The following KIAA0586 variants were observed in gnomAD, a reference collection of about 807,000 sequenced individuals.
The protein encoded by KIAA0586 is protein TALPID3.
KIAA0586 carries 144 observed loss-of-function variants against 169.8 expected under a neutral mutation model. The observed-to-expected ratio is 0.85, with a 90% CI of 0.74 to 0.97. The LOEUF (loss-of-function observed/expected upper bound fraction) is 0.97, where lower values mean the gene tolerates loss of function less well. Among genes scored for constraint, KIAA0586 ranks in the 50% least tolerant of loss-of-function variants. KIAA0586 has a pLI of 0.00. For synonymous variants in KIAA0586, 625 were observed against 612.4 expected, an observed-to-expected ratio of 1.02 and a Z score of -0.30; for missense variants, 1,854 against 1,823.0, an observed-to-expected ratio of 1.02 and a Z score of -0.31.
In KIAA0586 at chr14:58,457,832, C is replaced by T; in HGVS notation, c.1436C>T (p.Thr479Ile). 1 of 1,608,358 alleles carries T rather than the reference C, an allele frequency of 6.2e-7. No individual in the cohort carries two copies. Among genetic ancestry groups the T allele is most frequent in the East Asian group, 2.2e-5 (1 of 44,798 alleles). Residue 479 changes from threonine (T) to isoleucine (I), a missense_variant, in exon 11 of 31, where the codon ACA becomes ATA. Transcript: ENST00000652326. ...QNSVKLQTTN[T>I]TRSVLKDAEK... is the part of the protein sequence containing the mutation. ...TCTGTTAAGCTTCAAACAACCAATA[C>T]AACAAGATCTGTATTGAAAGATGCT...
At chr14:58,509,764 A>G (rs1395676518) in intron 28 of KIAA0586, among the ~76,000 whole-genome samples, 1 of 152,216 alleles carries the variant, frequency 6.6e-6, no homozygotes, top group Non-Finnish European at 1.5e-5. Flanking sequence ...AATTTTTGTG[A>G]CCATGATTAG....
intron 29 of KIAA0586, chr14:58,521,695 G>A (rs1387965000): frequency 2.2e-6 from 2 of 898,318 alleles, no homozygotes; most frequent in Non-Finnish European, 3.7e-6. Flanking sequence ...AACAAAAAGT[G>A]GATTCTCTCT....
chr14:58,452,924 T>G (rs2039519566), intron 8 of KIAA0586, among the ~76,000 whole-genome samples: 2 of 151,974 alleles, frequency 1.3e-5, no homozygotes, highest in African/African-American at 4.8e-5. Flanking sequence ...CTATAAATTT[T>G]TTTTTTTTTT....
intron 27 of KIAA0586, among the ~76,000 whole-genome samples, chr14:58,503,046 A>T (rs2043687022): frequency 6.6e-6 from 1 of 152,160 alleles, no homozygotes; most frequent in South Asian, 2.1e-4. Flanking sequence ...TGAGTAACTG[A>T]AAGTTGCAAA....
At chr14:58,451,282 A>G (rs529304673) in intron 8 of KIAA0586, among the ~76,000 whole-genome samples, 213 of 152,096 alleles carry the variant, frequency 1.4e-3, no homozygotes, top group African/African-American at 5.0e-3. Context: ...CTGGAGTACA[A>G]TGGCGTGATC....
At chr14:58,531,083 C>T in intron 29 of KIAA0586, among the ~76,000 whole-genome samples, 1 of 151,054 alleles carries the variant, frequency 6.6e-6, no homozygotes, top group Non-Finnish European at 1.5e-5. Context: ...TTTGGGAGGC[C>T]AAGGCAGGTG....
chr14:58,455,736 G>A (rs995780039), intron 9 of KIAA0586, among the ~76,000 whole-genome samples: 4 of 152,008 alleles, frequency 2.6e-5, no homozygotes, highest in Non-Finnish European at 5.9e-5. Context: ...GCTAGAGCAT[G>A]CCTCCAGTGC....
intron 13 of KIAA0586, among the ~76,000 whole-genome samples, 199 bp from the exon 14 acceptor site, chr14:58,460,787 A>T (rs571590304): frequency 2.6e-5 from 4 of 152,152 alleles, no homozygotes; most frequent in African/African-American, 9.6e-5. Flanking sequence ...TCTTAGGTGG[A>T]TGATTTTTAT....
chr14:58,454,037 A>G (rs1482371286), intron 9 of KIAA0586, among the ~76,000 whole-genome samples: 1 of 152,204 alleles, frequency 6.6e-6, no homozygotes, highest in Non-Finnish European at 1.5e-5. Context: ...CATGTAATGT[A>G]ATTACTGATA....
intron 30 of KIAA0586, among the ~76,000 whole-genome samples, chr14:58,540,359 T>G (rs1467388489): frequency 6.6e-6 from 1 of 152,212 alleles, no homozygotes; most frequent in Non-Finnish European, 1.5e-5. Context: ...TTGGAAAGTT[T>G]ATAAAATGAT....
chr14:58,484,947 T>TTTTTTTTTTTC (rs2042338731), intron 21 of KIAA0586, among the ~76,000 whole-genome samples: 1 of 92,818 alleles, frequency 1.1e-5, no homozygotes, highest in Non-Finnish European at 2.1e-5. Flanking sequence ...TTTTTTTTTT[T>TTTTTTTTTTTC]TTTTGAGATG....
intron 9 of KIAA0586, among the ~76,000 whole-genome samples, chr14:58,455,972 A>G (rs1358191557): frequency 6.6e-6 from 1 of 152,166 alleles, no homozygotes. Context: ...GTTGACCACA[A>G]TCTTGTTTGC....
intron 29 of KIAA0586, among the ~76,000 whole-genome samples, chr14:58,537,822 T>G (rs1386937566): frequency 6.6e-6 from 1 of 152,086 alleles, no homozygotes; most frequent in African/African-American, 2.4e-5. Flanking sequence ...TAATTTTTTG[T>G]ATTTTTAGTA....
At chr14:58,448,241 A>G in intron 6 of KIAA0586, 99 bp from the exon 7 acceptor site, 1 of 730,488 alleles carries the variant, frequency 1.4e-6, no homozygotes, top group Non-Finnish European at 2.2e-6. Context: ...TATTAAATGC[A>G]GTAAATTATG....
At chr14:58,483,957 G>C (rs954784309) in intron 21 of KIAA0586, among the ~76,000 whole-genome samples, 1 of 152,126 alleles carries the variant, frequency 6.6e-6, no homozygotes, top group African/African-American at 2.4e-5. Context: ...TGCTTTATTA[G>C]CTCATTGGGA....
At chr14:58,448,210 T>C in intron 6 of KIAA0586, 130 bp from the exon 7 acceptor site, 1 of 630,460 alleles carries the variant, frequency 1.6e-6, no homozygotes, top group South Asian at 2.3e-5. Flanking sequence ...ACTTGCAATG[T>C]AATACATATT....
intron 7 of KIAA0586, 91 bp from the exon 8 acceptor site, chr14:58,450,487 AT>A: frequency 1.4e-6 from 1 of 697,062 alleles, no homozygotes; most frequent in East Asian, 2.8e-5. Context: ...ATAATTTTGA[AT>A]TTATTTTTAA....
Position 58,427,934 on chromosome 14 carries a change from A to G in KIAA0586, c.-331A>G, listed in dbSNP as rs573199744. ...CTTCTCAACAAATTTTAAGCCCGCCACTACATGTGTTTGGTTTTGCCCTAC... is the reference window on the plus strand; with the variant it reads ...CTTCTCAACAAATTTTAAGCCCGCCGCTACATGTGTTTGGTTTTGCCCTAC... On this transcript the variant is annotated 5_prime_UTR_variant, in exon 1 of 31. Coordinates refer to ENST00000652326, the MANE Select transcript of KIAA0586 (RefSeq NM_001329943.3). The G allele has an allele frequency of 3.2e-5, 44 of 1,378,252 alleles. No homozygotes were observed. The African/African-American group carries it at 5.5e-4, about 17-fold the overall frequency. The allele number at this position is 1,378,252 out of a possible 1,614,324, so 85.4% of individuals were successfully genotyped here.
In KIAA0586 at chr14:58,474,808, A is replaced by G. The variant is rs1416787100; in HGVS notation, c.2825+11A>G. Reference sequence around the variant, plus strand: ...TAGCTTAATTCAATGGTAAGTTTATAATGTTTTTGGTATGAATAGAACCAT... The same window carrying G: ...TAGCTTAATTCAATGGTAAGTTTATGATGTTTTTGGTATGAATAGAACCAT... On this transcript the variant is annotated intron_variant, in intron 19 of 30. Transcript: ENST00000652326. 7 of 1,566,936 alleles carry G rather than the reference A, an allele frequency of 4.5e-6. No homozygotes were observed. The South Asian group carries it at 6.9e-5, about 15-fold the overall frequency.
Sources: allele counts gnomAD v4.1 joint callset (sites outside exome capture counted in the v4.1 genomes callset), GRCh38; gene constraint gnomAD v4.1.1; transcripts MANE v1.5; gene names NCBI Gene and HGNC (gene_info 2026-07-23, HGNC 2026-07-21).